Variants in FANCC observed in about 807,000 individuals in gnomAD.
FANCC encodes the protein Fanconi anemia group C protein.
A neutral mutation model predicts 71.3 loss-of-function variants in FANCC; 55 were observed. That is an observed-to-expected ratio of 0.77 (90% confidence interval 0.62 to 0.97). FANCC has a LOEUF of 0.97. Among genes scored for constraint, FANCC ranks in the 50% least tolerant of loss-of-function variants. The pLI is 0.00. For missense variants in FANCC, 678 were observed against 670.9 expected (o/e 1.01, Z -0.12); for synonymous variants, 275 against 244.9 (o/e 1.12, Z -1.15).
At chr9:95,224,002 C>CA (rs1004514332) in intron 4 of FANCC, among the ~76,000 whole-genome samples, 4 of 151,566 alleles carry the variant, frequency 2.6e-5, no homozygotes, top group East Asian at 1.9e-4. Flanking sequence ...GACAAACGAA[C>CA]AAAAAAAAGA....
intron 1 of FANCC, among the ~76,000 whole-genome samples, chr9:95,271,927 C>CTTTTTTTTTTTTTGTTTTTTTTT (rs1832751509): frequency 2.0e-5 from 1 of 50,480 alleles, no homozygotes. Context: ...CAAGCCTCTT[C>CTTTTTTTTTTTTTGTTTTTTTTT]TTTTTTTTTT....
chr9:95,182,619 G>C (rs930105030), intron 4 of FANCC, among the ~76,000 whole-genome samples: 6 of 152,128 alleles, frequency 3.9e-5, no homozygotes, highest in Admixed American at 2.6e-4. Flanking sequence ...GGGACCACTG[G>C]GGTGAGAAGC....
intron 7 of FANCC, among the ~76,000 whole-genome samples, chr9:95,139,821 A>AAT (rs1554836036): frequency 3.4e-4 from 50 of 145,870 alleles, no homozygotes; most frequent in African/African-American, 1.2e-3. Flanking sequence ...TGACAAAATG[A>AAT]ATATATATAT....
At chr9:95,179,484 T>G (rs1826209891) in intron 4 of FANCC, among the ~76,000 whole-genome samples, 1 of 152,174 alleles carries the variant, frequency 6.6e-6, no homozygotes, top group South Asian at 2.1e-4. Context: ...GTAGCTGGGA[T>G]TACAGGTGTG....
intron 3 of FANCC, among the ~76,000 whole-genome samples, chr9:95,243,954 C>T (rs536730805): frequency 1.3e-5 from 2 of 152,318 alleles, no homozygotes; most frequent in South Asian, 2.1e-4. Flanking sequence ...CCAGGGCATA[C>T]CTCAACAGGA....
At chr9:95,125,811 G>A (rs1371179250) in intron 9 of FANCC, among the ~76,000 whole-genome samples, 7 of 152,142 alleles carry the variant, frequency 4.6e-5, no homozygotes, top group Non-Finnish European at 8.8e-5. Context: ...AGGTGGGAGG[G>A]GCTAGAGAGA....
intron 1 of FANCC, among the ~76,000 whole-genome samples, chr9:95,268,978 T>C (rs1274054914): frequency 6.6e-6 from 1 of 152,204 alleles, no homozygotes; most frequent in Non-Finnish European, 1.5e-5. Flanking sequence ...AGGGACAATT[T>C]AGTCCATTTA....
At chr9:95,120,285 T>G (rs2072768093) in intron 10 of FANCC, among the ~76,000 whole-genome samples, 1 of 152,220 alleles carries the variant, frequency 6.6e-6, no homozygotes, top group Non-Finnish European at 1.5e-5. Context: ...CCCCATTGAA[T>G]TGTCTTGGCA....
chr9:95,217,141 A>G (rs1828913393), intron 4 of FANCC, among the ~76,000 whole-genome samples: 1 of 152,190 alleles, frequency 6.6e-6, no homozygotes, highest in African/African-American at 2.4e-5. Context: ...TAAATTATAC[A>G]TCAGTAACAG....
chr9:95,172,483 CT>C (rs1021235927), intron 4 of FANCC, among the ~76,000 whole-genome samples: 3 of 150,792 alleles, frequency 2.0e-5, no homozygotes, highest in South Asian at 2.1e-4. Flanking sequence ...TTTTTCTTTG[CT>C]TTTTTTTTGA....
intron 4 of FANCC, among the ~76,000 whole-genome samples, chr9:95,239,083 A>C (rs1346579512): frequency 1.3e-5 from 2 of 152,100 alleles, no homozygotes; most frequent in African/African-American, 4.8e-5. Context: ...GCTGACAGGA[A>C]TATTCTCCCT....
rs2135428194 is a variant in FANCC, at chr9:95,150,042, T to G, written c.567A>C (p.Pro189=). Residue 189 remains proline, a synonymous_variant, in exon 7 of 15, where the codon CCA becomes CCC. Coordinates refer to ENST00000289081, the MANE Select transcript of FANCC (RefSeq NM_000136.3). ...GGTCAACATCTGTCAGGGTAATAAG[T>G]GGGACACAAACTCGTGACAGGGACG... ...RVASLSRVCV[P]LITLTDVDPL... 1 of 1,614,084 alleles carries G rather than the reference T, an allele frequency of 6.2e-7. No individual in the cohort carries two copies. The highest frequency in any genetic ancestry group is 8.5e-7 in the Non-Finnish European group (1 of 1,180,010).
intron 4 of FANCC, among the ~76,000 whole-genome samples, chr9:95,198,098 C>T (rs548633783): frequency 2.7e-4 from 41 of 152,278 alleles, no homozygotes; most frequent in African/African-American, 9.6e-4. Flanking sequence ...TTAAAGGCCC[C>T]TAAGCCAGCA....
In FANCC at chr9:95,107,236, C is replaced by A. The variant is rs730881724; in HGVS notation, c.1363G>T (p.Ala455Ser). Residue 455 changes from alanine (A) to serine (S), a missense_variant, in exon 14 of 15, where the codon GCA becomes TCA. Coordinates refer to ENST00000289081, the MANE Select transcript of FANCC (RefSeq NM_000136.3). ...QVKAVLGHLLAMSRSSSLSAQ... is the reference protein window; with the variant it reads ...QVKAVLGHLLSMSRSSSLSAQ... ...GAGAGGCTGCTGCTTCTGGACATTG[C>A]CAGGAGGTGGCCCAGCACGGCCTTC... 1.7e-5 allele frequency: 27 copies of A among 1,613,950 alleles called. No homozygotes were observed. Among genetic ancestry groups the A allele is most frequent in the Admixed American group, 8.3e-5 (5 of 59,992 alleles).
rs541092291 is a variant in FANCC, at chr9:95,196,535, T to C, written c.346-24388A>G. Among the ~76,000 whole-genome samples the C allele has an allele frequency of 1.6e-4, 24 of 152,290 alleles. No individual in the cohort carries two copies. In the East Asian group the frequency reaches 3.9e-3, roughly 24 times the overall value. The stretch of plus-strand genomic sequence containing the variant: ...CTTTGTATACCTAGTTATTTTTATC[T>C]ACACCAGACACGACACTACACTTGC... On this transcript the variant is annotated intron_variant, in intron 4 of 14. Transcript: ENST00000289081.
At chr9:95,110,795 G>A in intron 13 of FANCC, 2 of 1,120,448 alleles carry the variant, frequency 1.8e-6, no homozygotes, top group South Asian at 7.0e-5. Flanking sequence ...TTGCAAGGGA[G>A]GTGCCAATGC....
chr9:95,123,787 T>A, intron 10 of FANCC: 1 of 699,030 alleles, frequency 1.4e-6, no homozygotes, highest in Non-Finnish European at 2.7e-6. Flanking sequence ...ATCGATCTTG[T>A]GAAGCCCACA....
chr9:95,170,637 C>CGTGTGTGTGTGTGTGTGTGTGTGTGTGT (rs3992109), intron 6 of FANCC, among the ~76,000 whole-genome samples: 6 of 124,288 alleles, frequency 4.8e-5, no homozygotes, highest in Admixed American at 8.2e-5. Flanking sequence ...TTGTAAATAT[C>CGTGTGTGTGTGTGTGTGTGTGTGTGTGT]GTGTGTGTGT....
chr9:95,292,847 C>T lies in FANCC; in HGVS notation c.-79+24679G>A. 4 of 1,586,044 alleles carry T rather than the reference C, an allele frequency of 2.5e-6. No individual in the cohort carries two copies. The South Asian group carries it at 4.4e-5, about 18-fold the overall frequency. ...AGAAGCACAAATGTAGCAAGTGCAGCAATTCGTACGGTACAGAATGGGACC... is the reference window on the plus strand; with the variant it reads ...AGAAGCACAAATGTAGCAAGTGCAGTAATTCGTACGGTACAGAATGGGACC... On this transcript the variant is annotated intron_variant, in intron 1 of 14. Transcript: ENST00000289081.
Sources: gnomAD v4.1 joint callset for allele counts (sites outside exome capture counted in the v4.1 genomes callset) on GRCh38, gnomAD v4.1.1 for gene constraint, MANE v1.5 for transcripts, NCBI Gene and HGNC (gene_info 2026-07-23, HGNC 2026-07-21) for gene names.